The following ZNF385D variants were observed in gnomAD, a reference collection of about 807,000 sequenced individuals.
ZNF385D encodes zinc finger protein 659.
Under a neutral mutation model 35.8 loss-of-function variants are expected in ZNF385D, and 15 were observed. That is an observed-to-expected ratio of 0.42 (90% CI 0.28 to 0.64). ZNF385D has a LOEUF of 0.64. ZNF385D is among the 30% of genes least tolerant of loss of function. ZNF385D has a pLI of 0.23. For synonymous variants in ZNF385D, 212 were observed against 186.8 expected, an observed-to-expected ratio of 1.13 and a Z score of -1.10; for missense variants, 474 against 494.6, an observed-to-expected ratio of 0.96 and a Z score of 0.39.
intron 3 of ZNF385D, among the ~76,000 whole-genome samples, chr3:21,987,330 T>C (rs879838413): frequency 1.6e-3 from 211 of 129,142 alleles, no homozygotes; most frequent in Non-Finnish European, 2.8e-3. Context: ...CCATGTTTAG[T>C]GCTTCCTTCA....
chr3:22,170,103 G>C (rs1480202779), intron 2 of ZNF385D, among the ~76,000 whole-genome samples: 1 of 152,118 alleles, frequency 6.6e-6, no homozygotes, highest in Admixed American at 6.5e-5. Context: ...GTCCAGATAG[G>C]AGTTCTCCAT....
At chr3:22,239,707 T>C (rs1699382539) in intron 2 of ZNF385D, among the ~76,000 whole-genome samples, 1 of 151,046 alleles carries the variant, frequency 6.6e-6, no homozygotes, top group Non-Finnish European at 1.5e-5. Context: ...CTAGCCAATA[T>C]CTAGATTAAG....
At chr3:21,904,918 G>C (rs185103926) in intron 3 of ZNF385D, among the ~76,000 whole-genome samples, 2 of 151,926 alleles carry the variant, frequency 1.3e-5, no homozygotes, top group African/African-American at 4.8e-5. Context: ...TTGATAGATG[G>C]AATATTCTAG....
chr3:21,880,769 C>G (rs1459024111), intron 3 of ZNF385D, among the ~76,000 whole-genome samples: 1 of 151,792 alleles, frequency 6.6e-6, no homozygotes, highest in African/African-American at 2.4e-5. Flanking sequence ...AAACAGTTAG[C>G]AATGTTGTGA....
At chr3:22,186,630 G>C (rs948628051) in intron 2 of ZNF385D, among the ~76,000 whole-genome samples, 1 of 148,470 alleles carries the variant, frequency 6.7e-6, no homozygotes, top group African/African-American at 2.4e-5. Flanking sequence ...AGGGGCAAAT[G>C]AGCTGGGTCA....
chr3:21,888,172 TAA>T (rs1469065562), intron 3 of ZNF385D, among the ~76,000 whole-genome samples: 1 of 152,198 alleles, frequency 6.6e-6, no homozygotes, highest in Non-Finnish European at 1.5e-5. Context: ...GTATCAAGTA[TAA>T]CAGTTCAAAA....
chr3:21,431,091 A>C (rs1296719349), intron 5 of ZNF385D: 1 of 152,178 alleles, frequency 6.6e-6, no homozygotes, highest in Non-Finnish European at 1.5e-5. Context: ...TCACATGTAT[A>C]CTTTCAGAAA....
At position 22,170,617 on chromosome 3, in the gene ZNF385D, G is replaced by A. The variant is rs566501435; in HGVS notation, c.107-1582C>T. Among the ~76,000 whole-genome samples, 4 of 152,218 alleles carry A rather than the reference G, an allele frequency of 2.6e-5. No individual in the cohort carries two copies. The East Asian group carries it at 7.7e-4, about 29-fold the overall frequency. On this transcript the variant is annotated intron_variant, in intron 2 of 5. Coordinates refer to the ZNF385D transcript ENST00000494108. ...AACCTTGTTAAAATAATTTAAATAT[G>A]CAATTTAAATGGTCATTTTAAAAGA...
chr3:21,797,719 C>T (rs1443270510), intron 3 of ZNF385D, among the ~76,000 whole-genome samples: 1 of 152,090 alleles, frequency 6.6e-6, no homozygotes, highest in Non-Finnish European at 1.5e-5. Flanking sequence ...AACCCTAAAT[C>T]CATATTATCA....
rs2336516 is a variant in ZNF385D at position 21,934,471 on chromosome 3, G to A, written c.325+234346C>T. Among the ~76,000 whole-genome samples, 378 of 150,686 alleles carry A rather than the reference G, an allele frequency of 2.5e-3. 1 individual carries two copies. The highest frequency in any genetic ancestry group is 9.0e-3 in the African/African-American group (360 of 40,148). The stretch of plus-strand genomic sequence containing the variant: ...CCATCAATTATATATTCTGAGGTTA[G>A]TAATAATAATTACACCGTTAAATAT... On this transcript the variant is annotated intron_variant, in intron 3 of 5. Transcript: ENST00000494108.
At chr3:22,016,247 T>G (rs28398983) in intron 3 of ZNF385D, among the ~76,000 whole-genome samples, 8,619 of 152,100 alleles carry the variant, frequency 0.057, 821 homozygotes, top group African/African-American at 0.19. Context: ...GCCACTAGCA[T>G]TTGGTGGGTA....
In ZNF385D at chr3:21,506,562, C is replaced by T. The variant is rs890186311; in HGVS notation, c.439+4299G>A. ...GAACAAACAACACAAGTTAGTTACA[C>T]TTGCCTAGTTACTTTGAGTATAATT... On this transcript the variant is annotated intron_variant, in intron 4 of 7. Transcript: ENST00000281523. Among the ~76,000 whole-genome samples the T allele has an allele frequency of 3.9e-5, 6 of 152,258 alleles. No individual in the cohort carries two copies. In the East Asian group the frequency reaches 7.7e-4, roughly 20 times the overall value.
At chr3:22,090,821 A>G (rs1161794061) in intron 3 of ZNF385D, among the ~76,000 whole-genome samples, 1 of 152,186 alleles carries the variant, frequency 6.6e-6, no homozygotes. Context: ...TTGCTCTCCC[A>G]TGCCTGAGGA....
Position 22,009,546 on chromosome 3 carries a change from C to G in ZNF385D, c.325+159271G>C, listed in dbSNP as rs1267098904. 4.6e-5 allele frequency among the ~76,000 whole-genome samples: 7 copies of G among 151,218 alleles called. No homozygotes were observed. In the East Asian group the frequency reaches 1.4e-3, roughly 29 times the overall value. On this transcript the variant is annotated intron_variant, in intron 3 of 5. Coordinates refer to the ZNF385D transcript ENST00000494108. ...GCTGAGTCAGGAGAATGGCACGAAC[C>G]CAGGAGGCAGAGCTTGCAGTGAGGC...
chr3:21,570,939 A>G (rs1356259058), intron 2 of ZNF385D, among the ~76,000 whole-genome samples: 2 of 152,208 alleles, frequency 1.3e-5, no homozygotes, highest in Non-Finnish European at 2.9e-5. Context: ...GTTAAAAAAC[A>G]CTAAAAATTC....
chr3:22,019,578 A>G (rs1697104042), intron 3 of ZNF385D, among the ~76,000 whole-genome samples: 1 of 151,982 alleles, frequency 6.6e-6, no homozygotes, highest in Non-Finnish European at 1.5e-5. Flanking sequence ...AATTTAAAAA[A>G]TCCTTTTATT....
intron 2 of ZNF385D, among the ~76,000 whole-genome samples, chr3:22,181,155 T>A (rs185703407): frequency 2.2e-3 from 339 of 152,238 alleles, no homozygotes; most frequent in Non-Finnish European, 4.0e-3. Context: ...TAGATCAATG[T>A]TTCCTTTTAC....
At chr3:21,645,944 T>G (rs561072961) in intron 2 of ZNF385D, among the ~76,000 whole-genome samples, 15 of 152,162 alleles carry the variant, frequency 9.9e-5, no homozygotes, top group Non-Finnish European at 2.2e-4. Flanking sequence ...TAGATGAGTT[T>G]CAAATTTGTC....
rs562496542 is a variant in ZNF385D, at chr3:22,024,439, T to C, written c.325+144378A>G. Among the ~76,000 whole-genome samples, 20 of 152,152 alleles carry C rather than the reference T, an allele frequency of 1.3e-4. No individual in the cohort carries two copies. The East Asian group carries it at 3.9e-3, about 29-fold the overall frequency. On this transcript the variant is annotated intron_variant, in intron 3 of 5. Coordinates refer to the ZNF385D transcript ENST00000494108. ...AATATTAAGGATGGAGTTATTTCCT[T>C]GGTTTTGGGGTTTCTGGAGTTGGCT...
Sources: gnomAD v4.1 joint callset for allele counts (sites outside exome capture counted in the v4.1 genomes callset) on GRCh38, gnomAD v4.1.1 for gene constraint, MANE v1.5 for transcripts, NCBI Gene and HGNC (gene_info 2026-07-23, HGNC 2026-07-21) for gene names.